The following COL6A5 variants were observed in gnomAD, a reference collection of about 807,000 sequenced individuals.
COL6A5 encodes collagen alpha-5(VI) chain.
Under a neutral mutation model 65.6 loss-of-function variants are expected in COL6A5, and 48 were observed. The ratio of observed to expected loss-of-function variants is 0.73; its 90% CI spans 0.58 to 0.93. The LOEUF is 0.93. Among genes scored for constraint, COL6A5 ranks in the 40% least tolerant of loss-of-function variants. The probability of loss-of-function intolerance (pLI) is 0.00; values close to 1 mark genes in which losing one functional copy is unlikely to be tolerated. For synonymous variants in COL6A5, 291 were observed against 322.8 expected (o/e 0.90, Z 1.05); for missense variants, 914 against 928.3 (o/e 0.98, Z 0.20).
At chr3:130,358,973 A>G (rs1198024161) in intron 1 of COL6A5, among the ~76,000 whole-genome samples, 1 of 152,198 alleles carries the variant, frequency 6.6e-6, no homozygotes, top group African/African-American at 2.4e-5. Flanking sequence ...AAGAAGTACT[A>G]TGCAGCTGTT....
Position 130,456,519 on chromosome 3 carries a change from C to A in COL6A5, c.1544+853C>A, listed in dbSNP as rs191491841. Reference sequence around the variant, plus strand: ...ATCATTCCATGATAAGAATGAGGTACCCCGTTCTCCATGATGTGATTATTA... The same window carrying A: ...ATCATTCCATGATAAGAATGAGGTAACCCGTTCTCCATGATGTGATTATTA... On this transcript the variant is annotated intron_variant, in intron 5 of 7. Coordinates refer to ENST00000512836, the Ensembl canonical transcript of COL6A5. Among the ~76,000 whole-genome samples the A allele has an allele frequency of 6.0e-4, 91 of 152,042 alleles. 1 individual carries two copies. The East Asian group carries it at 9.3e-3, about 16-fold the overall frequency.
At chr3:130,379,368 C>T (rs370053691) in intron 3 of COL6A5, 50 bp from the exon 4 acceptor site, 5 of 1,467,002 alleles carry the variant, frequency 3.4e-6, no homozygotes, top group Admixed American at 4.7e-5. Flanking sequence ...ACCTTTTTCT[C>T]TCCGGGCCAG....
chr3:130,421,918 T>A (rs999673442), intron 27 of COL6A5, among the ~76,000 whole-genome samples: 1 of 152,094 alleles, frequency 6.6e-6, no homozygotes, highest in Non-Finnish European at 1.5e-5. Flanking sequence ...GACATACCTT[T>A]CATCTCAACC....
upstream of COL6A5, chr3:130,431,344 C>A: frequency 1.8e-6 from 2 of 1,111,784 alleles, no homozygotes; most frequent in Non-Finnish European, 2.6e-6. Flanking sequence ...ACCTTTAGTT[C>A]TAGAGCTGGA....
intron 1 of COL6A5, among the ~76,000 whole-genome samples, chr3:130,347,109 A>C (rs931427040): frequency 6.6e-6 from 1 of 152,176 alleles, no homozygotes; most frequent in African/African-American, 2.4e-5. Context: ...TTCTCCTTTC[A>C]GTGGCTTAAC....
rs1031827128 is a variant in COL6A5 at position 130,459,106 on chromosome 3, G to A, written c.1544+3440G>A. On this transcript the variant is annotated intron_variant, in intron 5 of 7. Coordinates refer to ENST00000512836, the Ensembl canonical transcript of COL6A5. Reference sequence around the variant, plus strand: ...ATTAAAAAACAGAATAATTTGTAACGCGTTTTAAGTACCAACCCAAACTCA... The same window carrying A: ...ATTAAAAAACAGAATAATTTGTAACACGTTTTAAGTACCAACCCAAACTCA... Among the ~76,000 whole-genome samples, 16 of 151,964 alleles carry A rather than the reference G, an allele frequency of 1.1e-4. 1 individual carries two copies. The highest frequency in any genetic ancestry group is 8.3e-4 in the South Asian group (4 of 4,814).
chr3:130,346,965 A>G (rs983565377), intron 1 of COL6A5, among the ~76,000 whole-genome samples: 15 of 152,206 alleles, frequency 9.9e-5, no homozygotes, highest in African/African-American at 3.4e-4. Context: ...GAGATTTCAT[A>G]TGAATTAAAG....
At chr3:130,395,282 A>T (rs562567306) in exon 8 of COL6A5, 2 of 1,551,360 alleles carry the variant, frequency 1.3e-6, no homozygotes, top group South Asian at 1.2e-5. Context: ...TGCAGTAAAA[A>T]CCCTGAAGGA....
chr3:130,484,184 G>C, exon 8 of COL6A5: 2 of 792,862 alleles, frequency 2.5e-6, no homozygotes, highest in Non-Finnish European at 3.7e-6. Context: ...TTGGCTAATA[G>C]CATGCTAAAT....
chr3:130,347,504 G>A (rs931294223), intron 1 of COL6A5, among the ~76,000 whole-genome samples: 2 of 152,126 alleles, frequency 1.3e-5, no homozygotes, highest in Non-Finnish European at 2.9e-5. Context: ...ATGAGCCTGT[G>A]AAAATAAAGT....
intron 5 of COL6A5, among the ~76,000 whole-genome samples, chr3:130,459,652 G>T (rs779628822): frequency 4.5e-4 from 69 of 152,022 alleles, no homozygotes; most frequent in Non-Finnish European, 8.4e-4. Context: ...GGAACTGGCA[G>T]ACTCACTAGA....
exon 5 of COL6A5, chr3:130,385,056 G>T: frequency 6.4e-7 from 1 of 1,550,926 alleles, no homozygotes; most frequent in Non-Finnish European, 8.7e-7. Flanking sequence ...CTAACTGGTG[G>T]AACTTATACT....
intron 1 of COL6A5, among the ~76,000 whole-genome samples, chr3:130,435,845 T>C (rs1013006489): frequency 1.0e-4 from 15 of 146,194 alleles, no homozygotes; most frequent in Non-Finnish European, 2.0e-4. Context: ...GCTGAGATGA[T>C]GGGGTTTTCT....
chr3:130,461,216 C>T (rs189706780), intron 5 of COL6A5, among the ~76,000 whole-genome samples: 1 of 152,044 alleles, frequency 6.6e-6, no homozygotes, highest in East Asian at 1.9e-4. Flanking sequence ...TAAAAAATGA[C>T]TACTACAATT....
At chr3:130,405,244 G>GGGAGACTCTCC (rs1425464347) in intron 13 of COL6A5, among the ~76,000 whole-genome samples, 1 of 152,174 alleles carries the variant, frequency 6.6e-6, no homozygotes, top group Non-Finnish European at 1.5e-5. Context: ...TCCCAGTATA[G>GGGAGACTCTCC]CATTAGGGCC....
At chr3:130,383,073 C>G (rs1305064610) in intron 4 of COL6A5, among the ~76,000 whole-genome samples, 1 of 152,036 alleles carries the variant, frequency 6.6e-6, no homozygotes, top group Non-Finnish European at 1.5e-5. Flanking sequence ...AAATCAAATA[C>G]ATACATCTAT....
intron 6 of COL6A5, among the ~76,000 whole-genome samples, chr3:130,389,576 A>T (rs187601588): frequency 6.6e-5 from 10 of 151,620 alleles, no homozygotes; most frequent in Admixed American, 6.6e-4. Context: ...CCACCAAGAA[A>T]ACCCTGGGTA....
chr3:130,404,668 G>A (rs1458080149), intron 13 of COL6A5, among the ~76,000 whole-genome samples: 2 of 152,182 alleles, frequency 1.3e-5, no homozygotes, highest in African/African-American at 4.8e-5. Context: ...CCAGGCAATG[G>A]GAAGCCATAG....
chr3:130,443,417 T>A, intron 3 of COL6A5, 59 bp from the exon 36 acceptor site: 1 of 1,275,468 alleles, frequency 7.8e-7, no homozygotes, highest in Non-Finnish European at 1.1e-6. Flanking sequence ...GGATTCTCTT[T>A]ACCTAGGAAA....
Sources: allele counts gnomAD v4.1 joint callset (sites outside exome capture counted in the v4.1 genomes callset), GRCh38; gene constraint gnomAD v4.1.1; transcripts MANE v1.5; gene names NCBI Gene and HGNC (gene_info 2026-07-23, HGNC 2026-07-21).